KSR2: variants seen among roughly 807,000 people sequenced by gnomAD.
The protein encoded by KSR2 is kinase suppressor of ras 2.
KSR2 carries 25 observed loss-of-function variants against 107.8 expected under a neutral mutation model. The observed-to-expected ratio is 0.23, with a 90% confidence interval of 0.17 to 0.32. The LOEUF (loss-of-function observed/expected upper bound fraction) is 0.32. Ranked by LOEUF, KSR2 falls within the 10% of genes least tolerant of loss-of-function variation. The pLI is 1.00. For missense variants in KSR2, 887 were observed against 1,268.9 expected (o/e 0.70, Z 4.57); for synonymous variants, 480 against 507.0 (o/e 0.95, Z 0.71).
At chr12:117,944,831 C>T (rs892634035) in intron 1 of KSR2, among the ~76,000 whole-genome samples, 1 of 151,930 alleles carries the variant, frequency 6.6e-6, no homozygotes, top group African/African-American at 2.4e-5. Flanking sequence ...GCACTCCAGC[C>T]TGGGCAACAG....
chr12:117,843,646 G>A (rs898110089), intron 3 of KSR2, among the ~76,000 whole-genome samples: 1 of 152,228 alleles, frequency 6.6e-6, no homozygotes, highest in Non-Finnish European at 1.5e-5. Flanking sequence ...TGCTGGTCCT[G>A]TTTATCCTCC....
intron 5 of KSR2, among the ~76,000 whole-genome samples, chr12:117,659,103 C>T (rs1404516056): frequency 6.6e-6 from 1 of 152,110 alleles, no homozygotes; most frequent in African/African-American, 2.4e-5. Context: ...AAGGCAGGAT[C>T]GATCAGACAC....
chr12:117,631,699 T>C (rs1882815030), intron 5 of KSR2, among the ~76,000 whole-genome samples: 2 of 152,194 alleles, frequency 1.3e-5, no homozygotes, highest in Admixed American at 6.5e-5. Flanking sequence ...AACCCCAGTG[T>C]TTGTCATGTA....
intron 4 of KSR2, among the ~76,000 whole-genome samples, chr12:117,753,428 A>G (rs541927479): frequency 7.2e-5 from 11 of 152,288 alleles, no homozygotes; most frequent in South Asian, 2.1e-4. Context: ...CTCTATGTAT[A>G]TCTATGTATA....
intron 5 of KSR2, among the ~76,000 whole-genome samples, chr12:117,627,991 A>G (rs1001528556): frequency 6.6e-6 from 1 of 152,056 alleles, no homozygotes; most frequent in Non-Finnish European, 1.5e-5. Context: ...ACTTGATCGA[A>G]TCAGCTATTG....
At chr12:117,610,923 C>A (rs1025001970) in intron 5 of KSR2, among the ~76,000 whole-genome samples, 1 of 152,026 alleles carries the variant, frequency 6.6e-6, no homozygotes, top group African/African-American at 2.4e-5. Context: ...TCTAGTGAAA[C>A]TACTTCTGCA....
In KSR2 at chr12:117,467,176, G is replaced by A. The variant is rs1234714456; in HGVS notation, c.*23C>T. ...GAGGTGACGGGAGCCCAGGCAGCTG[G>A]GCGCCGTCCCGATGTCCAAAGGTCA... On this transcript the variant is annotated 3_prime_UTR_variant, in exon 20 of 20. Transcript: ENST00000339824. The A allele has an allele frequency of 1.4e-6, 1 of 708,994 alleles. No individual in the cohort carries two copies. Among genetic ancestry groups the A allele is most frequent in the African/African-American group, 1.8e-5 (1 of 55,008 alleles). The allele number at this position is 708,994 out of a possible 1,614,324, so 43.9% of individuals were successfully genotyped here.
chr12:117,754,080 C>T (rs1476434787), intron 4 of KSR2, among the ~76,000 whole-genome samples: 1 of 151,500 alleles, frequency 6.6e-6, no homozygotes, highest in Non-Finnish European at 1.5e-5. Context: ...ATAAACAGTT[C>T]TTTGAGAATG....
intron 5 of KSR2, among the ~76,000 whole-genome samples, chr12:117,620,121 G>T (rs1250829392): frequency 1.3e-5 from 2 of 152,102 alleles, no homozygotes; most frequent in Non-Finnish European, 2.9e-5. Flanking sequence ...CTTTAGAGAT[G>T]AGAAAATGGA....
intron 4 of KSR2, among the ~76,000 whole-genome samples, chr12:117,760,484 G>T (rs1390204665): frequency 6.6e-6 from 1 of 152,202 alleles, no homozygotes; most frequent in Admixed American, 6.5e-5. Context: ...TGGGTTGAAT[G>T]ATGTATTATG....
At chr12:117,647,458 C>T (rs1883702583) in intron 5 of KSR2, among the ~76,000 whole-genome samples, 2 of 152,050 alleles carry the variant, frequency 1.3e-5, no homozygotes, top group African/African-American at 4.8e-5. Context: ...CAGCACGGGC[C>T]CAGGGTGCCA....
intron 14 of KSR2, among the ~76,000 whole-genome samples, chr12:117,508,989 T>C (rs1435095647): frequency 6.6e-6 from 1 of 151,072 alleles, no homozygotes; most frequent in Non-Finnish European, 1.5e-5. Context: ...AGATGGATGG[T>C]TCAGAGGGTG....
rs550393561 is a variant in KSR2 at position 117,474,041 on chromosome 12, C to T, written c.2582+2423G>A. On this transcript the variant is annotated intron_variant, in intron 17 of 19. Transcript: ENST00000339824. ...AAGTCATTTCTGAGCACGAGATTCC[C>T]AAGCAACAGGATGCACCTAATTGGC... 2.6e-5 allele frequency among the ~76,000 whole-genome samples: 4 copies of T among 152,270 alleles called. No homozygotes were observed. In the South Asian group the frequency reaches 8.3e-4, roughly 32 times the overall value.
chr12:117,612,016 A>G lies in KSR2; in HGVS notation c.1172-29657T>C, dbSNP rs1340172734. ...ATGAGTACAGAGTTTCAGTTGGGAA[A>G]GATGAAAAAGTTCTGGAAGTGGATG... On this transcript the variant is annotated intron_variant, in intron 5 of 19. Transcript: ENST00000339824. Among the ~76,000 whole-genome samples the G allele has an allele frequency of 2.6e-5, 4 of 152,212 alleles. No individual in the cohort carries two copies. The East Asian group carries it at 7.7e-4, about 29-fold the overall frequency.
chr12:117,754,607 C>T (rs1382395719), intron 4 of KSR2, among the ~76,000 whole-genome samples: 1 of 151,494 alleles, frequency 6.6e-6, no homozygotes, highest in Non-Finnish European at 1.5e-5. Context: ...CACTGCACTC[C>T]AGCCTGGACA....
intron 1 of KSR2, among the ~76,000 whole-genome samples, chr12:117,920,222 C>G (rs577605732): frequency 6.6e-6 from 1 of 152,186 alleles, no homozygotes; most frequent in Admixed American, 6.5e-5. Context: ...CCTCAGCTTC[C>G]CAAGTAGCTG....
intron 3 of KSR2, among the ~76,000 whole-genome samples, chr12:117,809,086 C>G (rs1891107257): frequency 6.6e-6 from 1 of 152,054 alleles, no homozygotes; most frequent in Non-Finnish European, 1.5e-5. Context: ...TAATCCAGAG[C>G]ATCCATTTTT....
intron 1 of KSR2, among the ~76,000 whole-genome samples, chr12:117,935,553 G>A (rs1895812416): frequency 6.6e-6 from 1 of 152,092 alleles, no homozygotes; most frequent in East Asian, 1.9e-4. Context: ...TTGAGGTCAG[G>A]AGTTCGAGAC....
rs1214733459 is a variant in KSR2 at position 117,464,218 on chromosome 12, T to A, written c.*2981A>T. 1 of 152,164 alleles carries A rather than the reference T, an allele frequency of 6.6e-6. No homozygotes were observed. Among genetic ancestry groups the A allele is most frequent in the Non-Finnish European group, 1.5e-5 (1 of 68,024 alleles). The allele number at this position is 152,164 out of a possible 1,614,324, so 9.4% of individuals were successfully genotyped here. A position where few individuals can be genotyped will look rare whatever the true frequency, so the allele number is the denominator to read the frequency against. On this transcript the variant is annotated 3_prime_UTR_variant, in exon 20 of 20. Transcript: ENST00000339824. The stretch of plus-strand genomic sequence containing the variant: ...ACATGCCCTTTAAAGAAAGCTGAGA[T>A]GTTTCTCTCTGCAAAGCCAAGGCTT...
Sources: allele counts gnomAD v4.1 joint callset (sites outside exome capture counted in the v4.1 genomes callset), GRCh38; gene constraint gnomAD v4.1.1; transcripts MANE v1.5; gene names NCBI Gene and HGNC (gene_info 2026-07-23, HGNC 2026-07-21).